The following PATJ variants were observed in gnomAD, a reference collection of about 807,000 sequenced individuals.
PATJ encodes the protein inaD-like protein.
In PATJ, 190 loss-of-function variants were observed where a neutral mutation model predicts 224.9. The observed-to-expected ratio is 0.84, with a 90% confidence interval of 0.75 to 0.95. The LOEUF is 0.95. PATJ is among the 40% of genes least tolerant of loss of function. PATJ has a pLI of 0.00. For missense variants in PATJ, 2,121 were observed against 2,270.3 expected (o/e 0.93, Z 1.34); for synonymous variants, 769 against 820.3 (o/e 0.94, Z 1.07).
intron 30 of PATJ, among the ~76,000 whole-genome samples, chr1:62,047,746 A>G (rs1652820509): frequency 6.6e-6 from 1 of 152,230 alleles, no homozygotes; most frequent in Admixed American, 6.5e-5. Context: ...ACCACTGTCA[A>G]AAATGCTGAA....
intron 36 of PATJ, 134 bp from the exon 37 acceptor site, chr1:62,116,998 C>A: frequency 2.8e-6 from 2 of 702,324 alleles, no homozygotes; most frequent in Non-Finnish European, 4.6e-6. Context: ...AATTCATCCT[C>A]CTCTCTCTAG....
intron 28 of PATJ, among the ~76,000 whole-genome samples, chr1:61,997,137 T>A (rs1045824923): frequency 3.3e-5 from 5 of 152,206 alleles, no homozygotes; most frequent in African/African-American, 9.7e-5. Flanking sequence ...TATTCACTAA[T>A]ACTAAAATAT....
intron 31 of PATJ, among the ~76,000 whole-genome samples, chr1:62,078,188 G>T (rs1340969877): frequency 6.6e-6 from 1 of 152,198 alleles, no homozygotes; most frequent in African/African-American, 2.4e-5. Flanking sequence ...GCCAACTGCA[G>T]ATCCAGAAGG....
intron 1 of PATJ, among the ~76,000 whole-genome samples, chr1:61,748,445 G>T (rs1376759156): frequency 6.7e-6 from 1 of 148,950 alleles, no homozygotes; most frequent in Non-Finnish European, 1.5e-5. Context: ...TAGTACAGAC[G>T]GGGTTTCACC....
chr1:61,767,950 C>A (rs1646382055), intron 4 of PATJ, among the ~76,000 whole-genome samples: 1 of 151,914 alleles, frequency 6.6e-6, no homozygotes, highest in Non-Finnish European at 1.5e-5. Flanking sequence ...GGATTACAGG[C>A]ATGAGCCATT....
At chr1:61,957,056 C>G (rs1253970140) in intron 27 of PATJ, among the ~76,000 whole-genome samples, 6 of 152,200 alleles carry the variant, frequency 3.9e-5, no homozygotes, top group African/African-American at 1.4e-4. Flanking sequence ...AATGCACTTA[C>G]AGTGCTGTGT....
rs759945854 is a variant in PATJ, at chr1:61,822,944, G to A, written c.1684-1G>A. ...GATCATTGCTTTGTGTTTTGCTACAGCTGCTGCCTATTCACACTCTGAGGC... is the reference window on the plus strand; with the variant it reads ...GATCATTGCTTTGTGTTTTGCTACAACTGCTGCCTATTCACACTCTGAGGC... On this transcript the variant is annotated splice_acceptor_variant, in intron 14 of 43. Transcript: ENST00000642238. LOFTEE classifies it high-confidence loss of function. 1 of 1,614,024 alleles carries A rather than the reference G, an allele frequency of 6.2e-7. No homozygotes were observed. Among genetic ancestry groups the A allele is most frequent in the Non-Finnish European group, 8.5e-7 (1 of 1,179,970 alleles).
chr1:62,008,978 T>C (rs12753261), intron 28 of PATJ, among the ~76,000 whole-genome samples: 22,210 of 152,186 alleles, frequency 0.15, 2,017 homozygotes, highest in Non-Finnish European at 0.21. Context: ...ACATAATTTA[T>C]TATTCTTCCT....
In PATJ at chr1:61,801,603, A is replaced by G. The variant is rs1652508266; in HGVS notation, c.1403-20A>G. 7.0e-7 allele frequency: 1 copy of G among 1,437,294 alleles called. No homozygotes were observed. The highest frequency in any genetic ancestry group is 2.5e-5 in the Admixed American group (1 of 39,874). The allele number at this position is 1,437,294 out of a possible 1,614,324, so 89.0% of individuals were successfully genotyped here. On this transcript the variant is annotated intron_variant, in intron 11 of 43. Transcript: ENST00000642238. ...GTTAGCATTAACAAAATTTTAAAAA[A>G]TTATTTTTTTTTGTTTTAGGAACTG...
At chr1:61,788,428 G>A (rs1439655987) in intron 8 of PATJ, among the ~76,000 whole-genome samples, 1 of 152,040 alleles carries the variant, frequency 6.6e-6, no homozygotes, top group Non-Finnish European at 1.5e-5. Context: ...GAATTGCTCA[G>A]GTCATCTGAA....
chr1:62,021,040 G>A (rs906467460), intron 29 of PATJ, among the ~76,000 whole-genome samples: 2 of 152,008 alleles, frequency 1.3e-5, no homozygotes, highest in Non-Finnish European at 2.9e-5. Flanking sequence ...TGTTGGCCAG[G>A]CTGGTCTCAA....
chr1:62,137,528 T>TCTG (rs1667053290), intron 41 of PATJ, among the ~76,000 whole-genome samples: 5 of 91,670 alleles, frequency 5.5e-5, no homozygotes, highest in Non-Finnish European at 1.0e-4. Flanking sequence ...CACAGCAGTC[T>TCTG]GAGGGGGAAA....
intron 27 of PATJ, among the ~76,000 whole-genome samples, chr1:61,988,020 G>A (rs114903248): frequency 0.035 from 5,252 of 152,130 alleles, 168 homozygotes; most frequent in African/African-American, 0.087. Context: ...GCTGCATGGC[G>A]AAACCCTGTC....
intron 32 of PATJ, 115 bp downstream of exon 32, chr1:62,079,682 C>T (rs1658936532): frequency 8.6e-6 from 6 of 701,064 alleles, no homozygotes; most frequent in Admixed American, 2.4e-5. Flanking sequence ...CTGGATACTT[C>T]CTCCGCTTCC....
At chr1:61,960,122 A>G (rs10889278) in intron 27 of PATJ, among the ~76,000 whole-genome samples, 73,446 of 151,986 alleles carry the variant, frequency 0.48, 18,232 homozygotes, top group East Asian at 0.81. Context: ...AAGTTTATAT[A>G]AACCATTTAT....
chr1:61,766,870 A>G (rs1639808187), intron 4 of PATJ, among the ~76,000 whole-genome samples: 1 of 152,172 alleles, frequency 6.6e-6, no homozygotes, highest in Admixed American at 6.5e-5. Flanking sequence ...AGGAGGGTGG[A>G]TCACTAGAGG....
At chr1:61,786,660 T>C (rs1648595044) in intron 7 of PATJ, among the ~76,000 whole-genome samples, 1 of 152,028 alleles carries the variant, frequency 6.6e-6, no homozygotes, top group African/African-American at 2.4e-5. Context: ...TCACAGCCCA[T>C]ATAGAAGCTA....
At chr1:61,813,381 AC>A (rs1655350875) in intron 14 of PATJ, among the ~76,000 whole-genome samples, 1 of 18,110 alleles carries the variant, frequency 5.5e-5, no homozygotes, top group Non-Finnish European at 1.2e-4. Flanking sequence ...ATATATATAC[AC>A]ACACACACAC....
At chr1:61,983,162 G>A (rs995735258) in intron 27 of PATJ, among the ~76,000 whole-genome samples, 3 of 151,940 alleles carry the variant, frequency 2.0e-5, no homozygotes, top group Non-Finnish European at 2.9e-5. Flanking sequence ...AGCAATTAAT[G>A]TATCTGAAGG....
Sources: allele counts gnomAD v4.1 joint callset (sites outside exome capture counted in the v4.1 genomes callset), GRCh38; gene constraint gnomAD v4.1.1; transcripts MANE v1.5; gene names NCBI Gene and HGNC (gene_info 2026-07-23, HGNC 2026-07-21).